ZNF518A: variants seen among roughly 807,000 people sequenced by gnomAD.
ZNF518A encodes zinc finger protein 518A.
Under a neutral mutation model 102.7 loss-of-function variants are expected in ZNF518A, and 47 were observed. The ratio of observed to expected loss-of-function variants is 0.46; its 90% confidence interval spans 0.36 to 0.58. The LOEUF is 0.58. Ranked by LOEUF, ZNF518A falls within the 20% of genes least tolerant of loss-of-function variation. The pLI is 0.00. For missense variants in ZNF518A, 1,793 were observed against 1,699.8 expected, an observed-to-expected ratio of 1.05 and a Z score of -0.96; for synonymous variants, 652 against 594.6, an observed-to-expected ratio of 1.10 and a Z score of -1.40.
At chr10:96,134,751 A>T (rs587673318) in intron 3 of ZNF518A, among the ~76,000 whole-genome samples, 2 of 152,362 alleles carry the variant, frequency 1.3e-5, no homozygotes, top group East Asian at 3.9e-4. Context: ...GTATGGCTGC[A>T]TGAAACAAGT....
At chr10:96,202,616 G>C (rs185116587) in intron 1 of ZNF518A, among the ~76,000 whole-genome samples, 1,786 of 152,248 alleles carry the variant, frequency 0.012, 15 homozygotes, top group Non-Finnish European at 0.019. Flanking sequence ...GTAAGAGGAG[G>C]GGGCAGTGAG....
chr10:96,185,179 G>A (rs587724353), intron 1 of ZNF518A, among the ~76,000 whole-genome samples: 2 of 152,252 alleles, frequency 1.3e-5, no homozygotes, highest in East Asian at 3.9e-4. Flanking sequence ...TCTCTACACT[G>A]TTTATTCTAG....
intron 1 of ZNF518A, among the ~76,000 whole-genome samples, chr10:96,196,467 A>G (rs587658572): frequency 2.6e-5 from 4 of 152,286 alleles, no homozygotes; most frequent in Admixed American, 6.5e-5. Flanking sequence ...TACAAGGGCT[A>G]TAGTCTAATG....
downstream of ZNF518A, among the ~76,000 whole-genome samples, chr10:96,166,301 C>T (rs782780127): frequency 3.3e-5 from 5 of 152,142 alleles, no homozygotes; most frequent in Non-Finnish European, 5.9e-5. Flanking sequence ...AATGTTTTAC[C>T]AGTTGTCTAG....
intron 1 of ZNF518A, chr10:96,190,320 T>A (rs1453045950): frequency 1.7e-5 from 10 of 582,236 alleles, no homozygotes; most frequent in Non-Finnish European, 2.5e-5. Context: ...CCAGTAGTAT[T>A]GTTCCTGTGT....
At chr10:96,194,728 T>G (rs1442623194) in intron 1 of ZNF518A, among the ~76,000 whole-genome samples, 1 of 150,436 alleles carries the variant, frequency 6.6e-6, no homozygotes, top group Non-Finnish European at 1.5e-5. Flanking sequence ...AAAAAGCATA[T>G]GAAAAATGTT....
rs2082838111 is a variant in ZNF518A at position 96,158,749 on chromosome 10, G to C, written c.2427G>C (p.Leu809Phe). Residue 809 changes from leucine to phenylalanine, a missense_variant, in exon 6 of 6, where the codon TTG (leucine) becomes TTC (phenylalanine). This residue lies in a region of ZNF518A where 1,741 missense variants were observed against 1,622.6 expected (regional missense o/e 1.07). Transcript: ENST00000316045. ...QDSSNTPNKGLPLHCDQSFQK... is the reference protein window; with the variant it reads ...QDSSNTPNKGFPLHCDQSFQK... ...CTAGTAACACTCCAAATAAAGGCTT[G>C]CCACTTCATTGTGACCAGTCATTTC... The C allele has an allele frequency of 5.0e-6, 8 of 1,613,134 alleles. No individual in the cohort carries two copies. Among genetic ancestry groups the C allele is most frequent in the African/African-American group, 2.7e-5 (2 of 74,874 alleles).
intron 1 of ZNF518A, chr10:96,197,070 A>C: frequency 6.2e-7 from 1 of 1,607,506 alleles, no homozygotes; most frequent in South Asian, 1.1e-5. Context: ...CATCCTGTTT[A>C]ATTTTTTTTA....
chr10:96,180,374 C>A (rs2083232750), intron 1 of ZNF518A, among the ~76,000 whole-genome samples: 1 of 151,160 alleles, frequency 6.6e-6, no homozygotes, highest in African/African-American at 2.4e-5. Context: ...ACTTTAAGTT[C>A]TAGGGTACAT....
chr10:96,130,423 C>T lies in ZNF518A; in HGVS notation c.-782C>T, dbSNP rs1010932825. On this transcript the variant is annotated 5_prime_UTR_variant, in exon 1 of 6. Coordinates refer to ENST00000316045, the MANE Select transcript of ZNF518A (RefSeq NM_001330736.2). ...ACTTCCGGGCTTTTTGAACTCTACA[C>T]TCTCCTACATTCTAGGAGCTGGGTG... Among the ~76,000 whole-genome samples, 1 of 152,260 alleles carries T rather than the reference C, an allele frequency of 6.6e-6. No homozygotes were observed. Among genetic ancestry groups the T allele is most frequent in the Non-Finnish European group, 1.5e-5 (1 of 68,046 alleles).
In ZNF518A at chr10:96,158,761, T is replaced by C; in HGVS notation, c.2439T>C (p.Cys813=). The change falls in exon 6 of 6, where the codon TGT becomes TGC. Residue 813 remains cysteine, a synonymous_variant. Coordinates refer to ENST00000316045, the MANE Select transcript of ZNF518A (RefSeq NM_001330736.2). ...CAAATAAAGGCTTGCCACTTCATTG[T>C]GACCAGTCATTTCAAAAACACGAGA... is the stretch of plus-strand genomic sequence containing the variant. ...NTPNKGLPLH[C]DQSFQKHERE... 4 of 1,613,454 alleles carry C rather than the reference T, an allele frequency of 2.5e-6. No individual in the cohort carries two copies. The highest frequency in any genetic ancestry group is 3.4e-6 in the Non-Finnish European group (4 of 1,179,570).
intron 3 of ZNF518A, among the ~76,000 whole-genome samples, chr10:96,134,301 G>A (rs587685473): frequency 1.1e-4 from 16 of 152,332 alleles, no homozygotes; most frequent in African/African-American, 3.6e-4. Flanking sequence ...CGCGATCTCG[G>A]CTCACTACAA....
intron 1 of ZNF518A, among the ~76,000 whole-genome samples, chr10:96,175,070 T>C (rs2083195274): frequency 1.3e-5 from 2 of 152,148 alleles, no homozygotes; most frequent in Admixed American, 1.3e-4. Flanking sequence ...GGTCTCAAAC[T>C]TCCCAGCTTC....
downstream of ZNF518A, chr10:96,204,447 C>A: frequency 1.4e-6 from 2 of 1,381,066 alleles, no homozygotes; most frequent in South Asian, 2.3e-5. Flanking sequence ...CACTGCAAGT[C>A]AGTGTCACTG....
intron 1 of ZNF518A, among the ~76,000 whole-genome samples, chr10:96,177,811 C>G (rs945974903): frequency 6.6e-6 from 1 of 151,898 alleles, no homozygotes; most frequent in Non-Finnish European, 1.5e-5. Context: ...TATAAACACT[C>G]CAATTAAAAG....
At chr10:96,171,285 C>T (rs2083171903) in intron 1 of ZNF518A, among the ~76,000 whole-genome samples, 1 of 152,040 alleles carries the variant, frequency 6.6e-6, no homozygotes, top group Non-Finnish European at 1.5e-5. Context: ...TGGAAACAAC[C>T]CAAAGTCCAT....
Position 96,130,551 on chromosome 10 carries a change from G to C in ZNF518A, c.-654G>C, listed in dbSNP as rs1168422931. ...TTTGGGGCGAAGCTGGGCGCGCGGC[G>C]CTCGAAGCACTCACTCGGCGGGTTT... is the stretch of plus-strand genomic sequence containing the variant. On this transcript the variant is annotated 5_prime_UTR_variant, in exon 1 of 6. Transcript: ENST00000316045. 2.0e-5 allele frequency: 3 copies of C among 152,412 alleles called. No homozygotes were observed. In the East Asian group the frequency reaches 5.8e-4, roughly 29 times the overall value. 9.4% of individuals were successfully genotyped at this position (152,412 alleles called of 1,614,324 possible). A position where few individuals can be genotyped will look rare whatever the true frequency, so the allele number is the denominator to read the frequency against.
chr10:96,153,345 A>G (rs1554881022), intron 3 of ZNF518A, among the ~76,000 whole-genome samples: 1 of 152,248 alleles, frequency 6.6e-6, no homozygotes, highest in Admixed American at 6.5e-5. Context: ...ACCCTCACAG[A>G]CAAACCCAGA....
At chr10:96,148,215 G>C (rs2082259006) in intron 3 of ZNF518A, among the ~76,000 whole-genome samples, 1 of 152,132 alleles carries the variant, frequency 6.6e-6, no homozygotes, top group Admixed American at 6.5e-5. Context: ...CGAGGTGGGT[G>C]GATCACCTGA....
Sources: gnomAD v4.1 joint callset for allele counts (sites outside exome capture counted in the v4.1 genomes callset) on GRCh38, gnomAD v4.1.1 for gene constraint, gnomAD v4.1.1 regional missense constraint, MANE v1.5 for transcripts, NCBI Gene and HGNC (gene_info 2026-07-23, HGNC 2026-07-21) for gene names.